The following B4GALNT1 variants were observed in gnomAD, a reference collection of about 807,000 sequenced individuals.
B4GALNT1 encodes the protein beta-1,4-N-acetyl-galactosaminyltransferase 1, also known as beta-1,4 N-acetylgalactosaminyltransferase 1.
B4GALNT1 carries 43 observed loss-of-function variants against 55.2 expected under a neutral mutation model. The observed-to-expected ratio is 0.78, with a 90% CI of 0.61 to 1.00. B4GALNT1 has a LOEUF of 1.00. Ranked by LOEUF, B4GALNT1 falls within the 50% of genes least tolerant of loss-of-function variation. The pLI is 0.00. For missense variants in B4GALNT1, 664 were observed against 729.7 expected, an observed-to-expected ratio of 0.91 and a Z score of 1.04; for synonymous variants, 305 against 311.6, an observed-to-expected ratio of 0.98 and a Z score of 0.22.
rs1884673538 is a variant in B4GALNT1 at position 57,624,564 on chromosome 12, GTGTGGTCTTCTCCATGATGAC to G, written c.*2159_*2179del. 1.5e-6 allele frequency: 1 copy of G among 652,668 alleles called. No individual in the cohort carries two copies. Among genetic ancestry groups the G allele is most frequent in the African/African-American group, 1.8e-5 (1 of 56,330 alleles). 40.4% of individuals were successfully genotyped at this position (652,668 alleles called of 1,614,324 possible). On this transcript the variant is annotated 3_prime_UTR_variant, in exon 11 of 11. Transcript: ENST00000341156. The stretch of plus-strand genomic sequence containing the variant: ...AGTGTGGATTTGGGCCTGGCTGTGG[GTGTGGTCTTCTCCATGATGAC>G]TGTGGTCTGCCGCACCCGGAGGTGG...
rs1355188890 is a variant in B4GALNT1, at chr12:57,632,140, G to T, written c.-1-7C>A. 5.2e-6 allele frequency: 8 copies of T among 1,533,638 alleles called. No individual in the cohort carries two copies. The highest frequency in any genetic ancestry group is 2.4e-5 in the South Asian group (2 of 81,948). On this transcript the variant is annotated splice_polypyrimidine_tract_variant and splice_region_variant and intron_variant, in intron 1 of 10. Coordinates refer to ENST00000341156, the MANE Select transcript of B4GALNT1 (RefSeq NM_001478.5). ...CCGGCGGCCCAGCCACATCCTAGGTGGGGGTAGGGTGGGGAGTGAGAAAGG... is the reference window on the plus strand; with the variant it reads ...CCGGCGGCCCAGCCACATCCTAGGTTGGGGTAGGGTGGGGAGTGAGAAAGG...
In B4GALNT1 at chr12:57,626,973, G is replaced by A; in HGVS notation, c.1385-12C>T. 1 of 1,609,322 alleles carries A rather than the reference G, an allele frequency of 6.2e-7. No homozygotes were observed. The highest frequency in any genetic ancestry group is 8.5e-7 in the Non-Finnish European group (1 of 1,177,134). On this transcript the variant is annotated splice_polypyrimidine_tract_variant and intron_variant, in intron 10 of 10. Coordinates refer to ENST00000341156, the MANE Select transcript of B4GALNT1 (RefSeq NM_001478.5). Reference sequence around the variant, plus strand: ...ATCCAAGAAGAATTCTGGGGGTGGAGGGGAGTACACAGTGAGGGATCCTGA... The same window carrying A: ...ATCCAAGAAGAATTCTGGGGGTGGAAGGGAGTACACAGTGAGGGATCCTGA...
chr12:57,632,277 G>T, intron 1 of B4GALNT1, 144 bp from the exon 2 acceptor site: 1 of 833,666 alleles, frequency 1.2e-6, no homozygotes, highest in African/African-American at 1.7e-5. Context: ...GGTTTGCACT[G>T]CCAGCCGCGG....
At position 57,626,745 on chromosome 12, in the gene B4GALNT1, C is replaced by G; in HGVS notation, c.1601G>C (p.Ter534SerextTer7). 6.2e-7 allele frequency: 1 copy of G among 1,614,158 alleles called. No homozygotes were observed. The highest frequency in any genetic ancestry group is 8.5e-7 in the Non-Finnish European group (1 of 1,180,000). ...CAGTCAGAAATCCCCAGCGGGCCAT[C>G]ACTGGGAGGTCATGCACTGCAGCCG... ...KHRLQCMTSQ[*>S] Residue 534 changes from the stop codon to serine, a stop_lost, in exon 11 of 11, where the codon TGA becomes TCA. Coordinates refer to ENST00000341156, the MANE Select transcript of B4GALNT1 (RefSeq NM_001478.5).
In B4GALNT1 at chr12:57,627,702, C is replaced by A; in HGVS notation, c.1300G>T (p.Gly434Cys). 3.7e-6 allele frequency: 6 copies of A among 1,612,308 alleles called. No homozygotes were observed. Among genetic ancestry groups the A allele is most frequent in the Non-Finnish European group, 5.1e-6 (6 of 1,179,116 alleles). Residue 434 changes from glycine (G) to cysteine (C), a missense_variant, in exon 10 of 11, where the codon GGC becomes TGC. By Grantham distance (159) the Gly-to-Cys change is radical (BLOSUM62 -3). Coordinates refer to ENST00000341156, the MANE Select transcript of B4GALNT1 (RefSeq NM_001478.5). ...VGFPGCVVTD[G>C]VVNFFLARTD... ...CGCGCCAGGAAGAAGTTAACCACGC[C>A]GTCGGTGACCACGCAGCCTGGGAAG...
At chr12:57,630,393 C>T (rs1406872729) in intron 5 of B4GALNT1, 61 bp from the exon 6 acceptor site, 12 of 1,597,202 alleles carry the variant, frequency 7.5e-6, no homozygotes, top group African/African-American at 5.4e-5. Flanking sequence ...CTCCCTGATT[C>T]GCCCATCCTT....
Position 57,631,345 on chromosome 12 carries a change from A to T in B4GALNT1, c.238T>A (p.Cys80Ser), listed in dbSNP as rs1233117130. The change falls in exon 3 of 11, where the codon TGC (cysteine) becomes AGC (serine). Residue 80 changes from cysteine to serine, a missense_variant. Cys to Ser is a moderately radical substitution (Grantham distance 112). Coordinates refer to ENST00000341156, the MANE Select transcript of B4GALNT1 (RefSeq NM_001478.5). ...QVVGLLAWNNCSCESSGGGLP... is the reference protein window; with the variant it reads ...QVVGLLAWNNSSCESSGGGLP... ...CCCCCCCCACTGGACTCACAACTGCAGTTGTTCCAAGCCAGCAGCCTGAAG... is the reference window on the plus strand; with the variant it reads ...CCCCCCCCACTGGACTCACAACTGCTGTTGTTCCAAGCCAGCAGCCTGAAG... The T allele has an allele frequency of 6.2e-7, 1 of 1,613,936 alleles. No homozygotes were observed. The highest frequency in any genetic ancestry group is 1.7e-5 in the Admixed American group (1 of 59,996).
intron 1 of B4GALNT1, 86 bp from the exon 2 acceptor site, chr12:57,632,219 G>T (rs1396041042): frequency 1.6e-6 from 2 of 1,247,060 alleles, no homozygotes; most frequent in Non-Finnish European, 2.3e-6. Flanking sequence ...GTCCTCAGAG[G>T]CTCCTGCCGG....
chr12:57,625,428 G>C lies in B4GALNT1; in HGVS notation c.*1316C>G. On this transcript the variant is annotated 3_prime_UTR_variant, in exon 11 of 11. Coordinates refer to ENST00000341156, the MANE Select transcript of B4GALNT1 (RefSeq NM_001478.5). ...CCTGCAGCTGGCCAGCCGATGTCGA[G>C]ATGCTAGGATCCGCCTCCTCCTGGC... is the stretch of plus-strand genomic sequence containing the variant. The C allele has an allele frequency of 6.2e-7, 1 of 1,614,206 alleles. No individual in the cohort carries two copies. Among genetic ancestry groups the C allele is most frequent in the South Asian group, 1.1e-5 (1 of 91,088 alleles).
At position 57,626,591 on chromosome 12, in the gene B4GALNT1, T is replaced by A; in HGVS notation, c.*153A>T. The A allele has an allele frequency of 1.1e-6, 1 of 879,840 alleles. No homozygotes were observed. The highest frequency in any genetic ancestry group is 1.6e-5 in the South Asian group (1 of 64,060). The allele number at this position is 879,840 out of a possible 1,614,324, so 54.5% of individuals were successfully genotyped here. A position where few individuals can be genotyped will look rare whatever the true frequency, so the allele number is the denominator to read the frequency against. ...GGAGGGGTGTCACCAGGACAACCCC[T>A]ACTGGGCATCAGGTTCTGAAAAGGA... On this transcript the variant is annotated 3_prime_UTR_variant, in exon 11 of 11. Coordinates refer to ENST00000341156, the MANE Select transcript of B4GALNT1 (RefSeq NM_001478.5).
intron 10 of B4GALNT1, 96 bp from the exon 11 acceptor site, chr12:57,627,057 T>C: frequency 9.3e-7 from 1 of 1,070,938 alleles, no homozygotes; most frequent in Non-Finnish European, 1.4e-6. Flanking sequence ...GGAAAGTGTG[T>C]GTGCAAAGGC....
rs1025757313 is a variant in B4GALNT1 at position 57,628,225 on chromosome 12, A to G, written c.1040T>C (p.Val347Ala). Residue 347 changes from valine to alanine, a missense_variant, in exon 9 of 11, where the codon GTA (valine) becomes GCA (alanine). Val to Ala is a moderately conservative substitution (Grantham distance 64, BLOSUM62 0). Transcript: ENST00000341156. ...CACCCACAGCACGTACTTGGTGGTT[A>G]CTTGAGACACGGCCAGGTTCCGGCC... is the stretch of plus-strand genomic sequence containing the variant. ...FAGRNLAVSQ[V>A]TTKYVLWVDD... 26 of 1,614,166 alleles carry G rather than the reference A, an allele frequency of 1.6e-5. No homozygotes were observed. Among genetic ancestry groups the G allele is most frequent in the Non-Finnish European group, 2.2e-5 (26 of 1,180,054 alleles).
chr12:57,632,900 G>A lies in B4GALNT1; in HGVS notation c.-130C>T, dbSNP rs1594990759. ...AGCTGGGCATGAGCCTGAGGGTGTG[G>A]GGGACCCTCCTGCCTCTGGAGCGCG... On this transcript the variant is annotated 5_prime_UTR_variant, in exon 1 of 11. Transcript: ENST00000341156. The A allele has an allele frequency of 1.3e-5, 2 of 152,448 alleles. No individual in the cohort carries two copies. Among genetic ancestry groups the A allele is most frequent in the African/African-American group, 4.8e-5 (2 of 41,452 alleles). 9.4% of individuals were successfully genotyped at this position (152,448 alleles called of 1,614,324 possible). A position where few individuals can be genotyped will look rare whatever the true frequency, so the allele number is the denominator to read the frequency against.
At position 57,626,580 on chromosome 12, in the gene B4GALNT1, A is replaced by G. The variant is rs934790226; in HGVS notation, c.*164T>C. On this transcript the variant is annotated 3_prime_UTR_variant, in exon 11 of 11. Coordinates refer to ENST00000341156, the MANE Select transcript of B4GALNT1 (RefSeq NM_001478.5). ...CACTGGAAAAAGGAGGGGTGTCACC[A>G]GGACAACCCCTACTGGGCATCAGGT... 51 of 792,446 alleles carry G rather than the reference A, an allele frequency of 6.4e-5. No individual in the cohort carries two copies. The highest frequency in any genetic ancestry group is 9.9e-5 in the Non-Finnish European group (49 of 492,534). The allele number at this position is 792,446 out of a possible 1,614,324, so 49.1% of individuals were successfully genotyped here.
rs760151227 is a variant in B4GALNT1 at position 57,627,856 on chromosome 12, C to A, written c.1146G>T (p.Val382=). ...DVLERTPLDL[V]GGAVREISGF... Reference sequence around the variant, plus strand: ...CGGAGATCTCGCGCACCGCGCCCCCCACCTGCAGGGAGAGGGAGGTTGCCT... The same window carrying A: ...CGGAGATCTCGCGCACCGCGCCCCCAACCTGCAGGGAGAGGGAGGTTGCCT... Residue 382 remains valine (V), a splice_region_variant and synonymous_variant, in exon 10 of 11, where the codon GTG becomes GTT. Transcript: ENST00000341156. 1.3e-6 allele frequency: 2 copies of A among 1,580,494 alleles called. No individual in the cohort carries two copies. The highest frequency in any genetic ancestry group is 8.6e-7 in the Non-Finnish European group (1 of 1,162,392).
Position 57,625,547 on chromosome 12 carries a change from T to C in B4GALNT1, c.*1197A>G. On this transcript the variant is annotated 3_prime_UTR_variant, in exon 11 of 11. Transcript: ENST00000341156. The stretch of plus-strand genomic sequence containing the variant: ...GTAGGGAAAAGGACCCGGTGTGGAC[T>C]TAGGGTCTCAGAGTCTGACACCCTC... 6.2e-7 allele frequency: 1 copy of C among 1,610,612 alleles called. No homozygotes were observed. Among genetic ancestry groups the C allele is most frequent in the Non-Finnish European group, 8.5e-7 (1 of 1,177,666 alleles).
At chr12:57,627,554 G>A (rs1884906797) in intron 10 of B4GALNT1, 64 bp downstream of exon 10, 3 of 1,519,050 alleles carry the variant, frequency 2.0e-6, no homozygotes, top group South Asian at 2.6e-5. Context: ...GGAGAGGCGC[G>A]TGACCGTGCG....
chr12:57,624,420 T>A lies in B4GALNT1; in HGVS notation c.*2324A>T. Reference sequence around the variant, plus strand: ...CTCTCCCCATCACTTGCCTTGGTAGTCACTGCCCTGGATCTCTTTACCCAG... The same window carrying A: ...CTCTCCCCATCACTTGCCTTGGTAGACACTGCCCTGGATCTCTTTACCCAG... On this transcript the variant is annotated 3_prime_UTR_variant, in exon 11 of 11. Coordinates refer to ENST00000341156, the MANE Select transcript of B4GALNT1 (RefSeq NM_001478.5). 1.7e-6 allele frequency: 1 copy of A among 603,636 alleles called. No homozygotes were observed. Among genetic ancestry groups the A allele is most frequent in the Non-Finnish European group, 3.2e-6 (1 of 312,434 alleles). The allele number at this position is 603,636 out of a possible 1,614,324, so 37.4% of individuals were successfully genotyped here.
In B4GALNT1 at chr12:57,628,180, G is replaced by T; in HGVS notation, c.1085C>A (p.Thr362Lys). The T allele has an allele frequency of 1.2e-6, 2 of 1,614,250 alleles. No homozygotes were observed. Among genetic ancestry groups the T allele is most frequent in the Non-Finnish European group, 8.5e-7 (1 of 1,180,042 alleles). The change falls in exon 9 of 11, where the codon ACG (threonine) becomes AAG (lysine). Residue 362 changes from threonine (T) to lysine (K), a missense_variant. Coordinates refer to ENST00000341156, the MANE Select transcript of B4GALNT1 (RefSeq NM_001478.5). ...VLWVDDDFVF[T>K]ARTRLERLVD... ...AAGCCTCTCCAGCCGCGTCCGCGCC[G>T]TGAAGACGAAGTCGTCGTCCACCCA...
Sources: allele counts gnomAD v4.1 joint callset, GRCh38; gene constraint gnomAD v4.1.1; transcripts MANE v1.5; gene names NCBI Gene and HGNC (gene_info 2026-07-23, HGNC 2026-07-21).